The following TTC23L variants were observed in gnomAD, a reference collection of about 807,000 sequenced individuals.
The protein encoded by TTC23L is tetratricopeptide repeat domain 23 like.
TTC23L carries 42 observed loss-of-function variants against 48.1 expected under a neutral mutation model. That is an observed-to-expected ratio of 0.87 (90% CI 0.68 to 1.13). The LOEUF is 1.13. TTC23L is among the 50% of genes most tolerant of loss of function. The pLI is 0.00. For missense variants in TTC23L, 391 were observed against 421.0 expected (o/e 0.93, Z 0.62); for synonymous variants, 159 against 157.2 (o/e 1.01, Z -0.09).
chr5:34,912,336 T>A, the TTC23L span, among the ~76,000 whole-genome samples: 1 of 152,238 alleles, frequency 6.6e-6, no homozygotes, highest in Non-Finnish European at 1.5e-5. Flanking sequence ...GGGTTGTTAA[T>A]GGTGGTGTAA....
the TTC23L span, among the ~76,000 whole-genome samples, chr5:34,912,481 A>G: frequency 2.0e-5 from 3 of 152,174 alleles, no homozygotes; most frequent in African/African-American, 7.2e-5. Context: ...GCTGGAGAAC[A>G]CTGTATTAGA....
intron 8 of TTC23L, among the ~76,000 whole-genome samples, chr5:34,874,715 C>G (rs1246208806): frequency 1.3e-5 from 2 of 151,112 alleles, no homozygotes; most frequent in Non-Finnish European, 2.9e-5. Flanking sequence ...AGAATGAAAT[C>G]TTGTCTCTAA....
In TTC23L at chr5:34,862,894, C is replaced by T. The variant is rs1361733646; in HGVS notation, c.380-4C>T. On this transcript the variant is annotated splice_region_variant and splice_polypyrimidine_tract_variant and intron_variant, in intron 4 of 10. Transcript: ENST00000505624. The stretch of plus-strand genomic sequence containing the variant: ...TCTTGCTCCTCACCCTCTAACTCCC[C>T]CAGGCCTCCCAGTTCAGGCCAAGAA... 2.5e-6 allele frequency: 4 copies of T among 1,613,658 alleles called. No individual in the cohort carries two copies. The Admixed American group carries it at 6.7e-5, about 27-fold the overall frequency.
chr5:34,870,836 C>T (rs1580457568), intron 8 of TTC23L, among the ~76,000 whole-genome samples: 2 of 152,276 alleles, frequency 1.3e-5, no homozygotes, highest in East Asian at 3.9e-4. Flanking sequence ...ATTCAAATCT[C>T]AGTCAGTTTA....
chr5:34,901,768 C>T (rs1267962976), downstream of TTC23L, among the ~76,000 whole-genome samples: 1 of 151,948 alleles, frequency 6.6e-6, no homozygotes, highest in African/African-American at 2.4e-5. Context: ...ATCTCAAAAA[C>T]AAAAACAAAA....
downstream of TTC23L, among the ~76,000 whole-genome samples, chr5:34,901,253 GA>G (rs1178847341): frequency 5.3e-5 from 8 of 151,346 alleles, no homozygotes; most frequent in East Asian, 1.4e-3. Context: ...TGTATTTATT[GA>G]AAAAAATCTG....
At chr5:34,856,855 C>A (rs1347485077) in intron 4 of TTC23L, among the ~76,000 whole-genome samples, 1 of 152,068 alleles carries the variant, frequency 6.6e-6, no homozygotes, top group East Asian at 1.9e-4. Context: ...TTTGAGGGGA[C>A]CTCAGAAGAA....
At chr5:34,923,440 G>C in the TTC23L span, 2 of 558,884 alleles carry the variant, frequency 3.6e-6, no homozygotes, top group Non-Finnish European at 6.4e-6. Context: ...ATCACGCCTG[G>C]CTAATTTTTG....
At chr5:34,889,290 C>T (rs887266078) in intron 9 of TTC23L, among the ~76,000 whole-genome samples, 2 of 152,106 alleles carry the variant, frequency 1.3e-5, no homozygotes, top group African/African-American at 4.8e-5. Context: ...TGGAATTTGC[C>T]TAAATTCACT....
downstream of TTC23L, among the ~76,000 whole-genome samples, chr5:34,902,781 T>C (rs1763540396): frequency 6.6e-6 from 1 of 152,148 alleles, no homozygotes; most frequent in Non-Finnish European, 1.5e-5. Flanking sequence ...ATATATTCCA[T>C]TGCCCTTCTC....
chr5:34,863,072 G>C lies in TTC23L; in HGVS notation c.536+18G>C, dbSNP rs755852616. ...CAGAACCGATATCCTTCCATTCCTAGCTGCGTTTAGTGTTCGGGGCCACAG... is the reference window on the plus strand; with the variant it reads ...CAGAACCGATATCCTTCCATTCCTACCTGCGTTTAGTGTTCGGGGCCACAG... On this transcript the variant is annotated intron_variant, in intron 5 of 10. Coordinates refer to ENST00000505624, the Ensembl canonical transcript of TTC23L. This position sits in a 1 kb window ranked among gnomAD's most constrained non-coding sequence, Gnocchi z 4.1. 1.9e-6 allele frequency: 3 copies of C among 1,613,512 alleles called. No homozygotes were observed. Among genetic ancestry groups the C allele is most frequent in the Non-Finnish European group, 8.5e-7 (1 of 1,179,574 alleles).
rs1451895223 is a variant in TTC23L at position 34,863,871 on chromosome 5, T to A, written c.537-566T>A. Reference sequence around the variant, plus strand: ...TCTCTACACATCCCCCTCTCTACTTTTTTGGTCCTAATGTTCAACTTGCAA... The same window carrying A: ...TCTCTACACATCCCCCTCTCTACTTATTTGGTCCTAATGTTCAACTTGCAA... On this transcript the variant is annotated intron_variant, in intron 5 of 10. Coordinates refer to ENST00000505624, the Ensembl canonical transcript of TTC23L. The surrounding 1 kb of genome is among the most constrained non-coding windows in gnomAD (Gnocchi z 4.1). 6.6e-6 allele frequency among the ~76,000 whole-genome samples: 1 copy of A among 152,220 alleles called. No homozygotes were observed. Among genetic ancestry groups the A allele is most frequent in the African/African-American group, 2.4e-5 (1 of 41,460 alleles).
intron 9 of TTC23L, chr5:34,883,520 T>C: frequency 1.2e-5 from 2 of 170,940 alleles, no homozygotes; most frequent in Non-Finnish European, 2.6e-5. Context: ...ACCTGTTCCC[T>C]GAATAGCTAG....
intron 9 of TTC23L, among the ~76,000 whole-genome samples, chr5:34,896,334 A>G (rs1325552173): frequency 6.6e-6 from 1 of 152,180 alleles, no homozygotes; most frequent in Non-Finnish European, 1.5e-5. Flanking sequence ...GAGCTTGATT[A>G]TTAGTGTTGT....
chr5:34,919,286 A>T, the TTC23L span, among the ~76,000 whole-genome samples: 1 of 150,468 alleles, frequency 6.6e-6, no homozygotes, highest in Admixed American at 6.6e-5. Flanking sequence ...AAAAAAAAAA[A>T]AAAAAAAAAA....
chr5:34,902,005 A>C (rs1204535607), downstream of TTC23L, among the ~76,000 whole-genome samples: 2 of 152,226 alleles, frequency 1.3e-5, no homozygotes, highest in East Asian at 3.8e-4. Flanking sequence ...AAGAATTTGC[A>C]ATCTTGAATA....
intron 2 of TTC23L, among the ~76,000 whole-genome samples, chr5:34,844,443 G>GAAAAA (rs1758943861): frequency 7.0e-5 from 1 of 14,342 alleles, no homozygotes; most frequent in African/African-American, 3.3e-4. Context: ...AGCAGCAGCA[G>GAAAAA]CAAAAAAAAA....
At chr5:34,867,033 G>A in exon 7 of TTC23L, 1 of 1,612,110 alleles carries the variant, frequency 6.2e-7, no homozygotes, top group Non-Finnish European at 8.5e-7. Flanking sequence ...AGCAGCTGAG[G>A]AGGAACCACA....
chr5:34,853,279 C>A (rs1759832251), intron 4 of TTC23L, among the ~76,000 whole-genome samples: 1 of 152,054 alleles, frequency 6.6e-6, no homozygotes, highest in African/African-American at 2.4e-5. Flanking sequence ...GCATGTAATC[C>A]CAGCACTTTG....
Sources: allele counts gnomAD v4.1 joint callset (sites outside exome capture counted in the v4.1 genomes callset), GRCh38; gene constraint gnomAD v4.1.1; non-coding constraint Gnocchi (gnomAD v3.1); transcripts MANE v1.5; gene names NCBI Gene and HGNC (gene_info 2026-07-23, HGNC 2026-07-21).